The following DENND5B variants were observed in gnomAD, a reference collection of about 807,000 sequenced individuals.
DENND5B encodes the protein DENN domain-containing protein 5B.
Under a neutral mutation model 140.6 loss-of-function variants are expected in DENND5B, and 34 were observed. That is an observed-to-expected ratio of 0.24 (90% CI 0.18 to 0.32). The LOEUF is 0.32. DENND5B is among the 10% of genes least tolerant of loss of function. The probability of loss-of-function intolerance (pLI) is 1.00; values close to 1 mark genes in which losing one functional copy is unlikely to be tolerated. For synonymous variants in DENND5B, 551 were observed against 562.1 expected (o/e 0.98, Z 0.28); for missense variants, 1,142 against 1,560.2 (o/e 0.73, Z 4.52).
chr12:31,485,561 G>GT (rs1245927071), intron 2 of DENND5B, among the ~76,000 whole-genome samples: 6 of 152,192 alleles, frequency 3.9e-5, no homozygotes, highest in Non-Finnish European at 8.8e-5. Context: ...CTTTAAACAC[G>GT]TAAGTATGGT....
At chr12:31,450,456 C>T (rs1416620999) in intron 5 of DENND5B, among the ~76,000 whole-genome samples, 1 of 152,092 alleles carries the variant, frequency 6.6e-6, no homozygotes, top group Non-Finnish European at 1.5e-5. Context: ...ACTTCTGAAG[C>T]TCAAGTGATC....
intron 19 of DENND5B, among the ~76,000 whole-genome samples, chr12:31,390,643 C>CA (rs1178050948): frequency 2.0e-5 from 3 of 151,184 alleles, no homozygotes; most frequent in African/African-American, 4.9e-5. Context: ...CTAAAACAAA[C>CA]AAAAAAAATT....
At chr12:31,411,846 C>T (rs1363592478) in intron 13 of DENND5B, among the ~76,000 whole-genome samples, 1 of 152,182 alleles carries the variant, frequency 6.6e-6, no homozygotes, top group Non-Finnish European at 1.5e-5. Context: ...CTCTAATAGG[C>T]TATCTTGTTT....
At chr12:31,509,209 T>A (rs1407802200) in intron 1 of DENND5B, among the ~76,000 whole-genome samples, 1 of 152,104 alleles carries the variant, frequency 6.6e-6, no homozygotes, top group Non-Finnish European at 1.5e-5. Flanking sequence ...CTCAGCAGCC[T>A]CAACATCAAC....
At chr12:31,470,283 T>A (rs910633837) in intron 3 of DENND5B, among the ~76,000 whole-genome samples, 1 of 151,896 alleles carries the variant, frequency 6.6e-6, no homozygotes, top group East Asian at 1.9e-4. Context: ...CCTGGGTAAC[T>A]CTGTATTTTT....
chr12:31,580,874 G>A (rs966698422), intron 1 of DENND5B, among the ~76,000 whole-genome samples: 8 of 151,544 alleles, frequency 5.3e-5, no homozygotes, highest in African/African-American at 1.9e-4. Flanking sequence ...GAGAGGCCAA[G>A]ATGGGCGGAT....
At chr12:31,537,536 A>T (rs1422660755) in intron 1 of DENND5B, among the ~76,000 whole-genome samples, 1 of 152,190 alleles carries the variant, frequency 6.6e-6, no homozygotes, top group Admixed American at 6.5e-5. Flanking sequence ...CACTAAAAGG[A>T]AGACAGGGAG....
chr12:31,415,557 A>G (rs1593105916), intron 11 of DENND5B, 109 bp from the exon 12 acceptor site: 1 of 858,932 alleles, frequency 1.2e-6, no homozygotes, highest in East Asian at 3.0e-5. Context: ...AACAATATAT[A>G]TCATCTAGCC....
chr12:31,450,808 T>C (rs1323465724), intron 5 of DENND5B, among the ~76,000 whole-genome samples: 1 of 152,148 alleles, frequency 6.6e-6, no homozygotes, highest in South Asian at 2.1e-4. Context: ...AGCAGTATTA[T>C]ACCTCAGCAA....
Position 31,399,681 on chromosome 12 carries a change from C to G in DENND5B, c.3041G>C (p.Arg1014Thr). Residue 1014 changes from arginine to threonine, a missense_variant, in exon 16 of 21, where the codon AGA becomes ACA. By Grantham distance (71) the Arg-to-Thr change is moderately conservative (BLOSUM62 -1). Around this residue, in one of 5 missense-constraint regions of DENND5B, gnomAD observed 268 missense variants for 349.2 expected, o/e 0.77. Transcript: ENST00000389082. ...GTATGTATGTCCTGTGATTTCATTT[C>G]TGACCATGACACAATCCACTAGCCA... ...AKWLVDCVMV[R>T]NEITGHTYRF... 2 of 1,613,840 alleles carry G rather than the reference C, an allele frequency of 1.2e-6. No homozygotes were observed. The highest frequency in any genetic ancestry group is 1.7e-6 in the Non-Finnish European group (2 of 1,179,796).
chr12:31,490,934 T>C (rs1199504068), intron 2 of DENND5B, among the ~76,000 whole-genome samples: 2 of 152,222 alleles, frequency 1.3e-5, no homozygotes, highest in Non-Finnish European at 2.9e-5. Context: ...TTACCTAAAA[T>C]ATATTTATGA....
chr12:31,485,969 A>G (rs1946291051), intron 2 of DENND5B, among the ~76,000 whole-genome samples: 1 of 152,208 alleles, frequency 6.6e-6, no homozygotes, highest in African/African-American at 2.4e-5. Context: ...CCAAACTAAC[A>G]CCAAGTAGAA....
chr12:31,404,245 G>A (rs1469838302), intron 14 of DENND5B, among the ~76,000 whole-genome samples: 2 of 152,078 alleles, frequency 1.3e-5, no homozygotes, highest in Non-Finnish European at 2.9e-5. Flanking sequence ...GGGGGCAGAT[G>A]GTTTAAGCAC....
At chr12:31,544,165 A>C (rs1188203223) in intron 1 of DENND5B, among the ~76,000 whole-genome samples, 2 of 152,270 alleles carry the variant, frequency 1.3e-5, no homozygotes, top group Non-Finnish European at 2.9e-5. Context: ...CTCCATCTCA[A>C]AATTAATGAA....
At chr12:31,393,230 A>G (rs898435240) in intron 17 of DENND5B, among the ~76,000 whole-genome samples, 2 of 152,118 alleles carry the variant, frequency 1.3e-5, no homozygotes, top group African/African-American at 2.4e-5. Flanking sequence ...CCTACCTACA[A>G]GCCTGTCAGT....
intron 7 of DENND5B, among the ~76,000 whole-genome samples, chr12:31,435,214 A>G (rs1312468329): frequency 6.6e-6 from 1 of 151,200 alleles, no homozygotes; most frequent in Non-Finnish European, 1.5e-5. Flanking sequence ...CCTTTTATCA[A>G]CTCTTCCCCA....
At chr12:31,388,943 G>A (rs1183613137) in intron 20 of DENND5B, among the ~76,000 whole-genome samples, 1 of 152,148 alleles carries the variant, frequency 6.6e-6, no homozygotes, top group African/African-American at 2.4e-5. Context: ...ATGGTGGAGA[G>A]CTTGGGCTCT....
At position 31,433,140 on chromosome 12, in the gene DENND5B, AG is replaced by A; in HGVS notation, c.2106+14del. ...GCGCTTGCTGTGAGGCACCCCAGGA[AG>A]GTAGACCACATACCTCCCTCAAGTC... is the stretch of plus-strand genomic sequence containing the variant. On this transcript the variant is annotated intron_variant, in intron 8 of 20. Coordinates refer to ENST00000389082, the MANE Select transcript of DENND5B (RefSeq NM_144973.4). The A allele has an allele frequency of 6.2e-7, 1 of 1,613,340 alleles. No individual in the cohort carries two copies. Among genetic ancestry groups the A allele is most frequent in the African/African-American group, 1.3e-5 (1 of 75,022 alleles).
chr12:31,433,030 AAACTAT>A, intron 8 of DENND5B, 119 bp downstream of exon 8: 2 of 809,248 alleles, frequency 2.5e-6, no homozygotes, highest in Non-Finnish European at 3.9e-6. Flanking sequence ...TTAATATTTT[AAACTAT>A]AACTAAACAG....
Sources: allele counts gnomAD v4.1 joint callset (sites outside exome capture counted in the v4.1 genomes callset), GRCh38; gene constraint gnomAD v4.1.1; regional missense constraint gnomAD v4.1.1; transcripts MANE v1.5; gene names NCBI Gene and HGNC (gene_info 2026-07-23, HGNC 2026-07-21).